LAMB4: variants seen among roughly 807,000 people sequenced by gnomAD.
LAMB4 encodes laminin subunit beta-4.
Under a neutral mutation model 199.2 loss-of-function variants are expected in LAMB4, and 196 were observed. The ratio of observed to expected loss-of-function variants is 0.98; its 90% confidence interval spans 0.88 to 1.11. The LOEUF (loss-of-function observed/expected upper bound fraction) is 1.11, where lower values mean the gene tolerates loss of function less well. Among genes scored for constraint, LAMB4 ranks in the 50% least tolerant of loss-of-function variants. LAMB4 has a pLI of 0.00. For synonymous variants in LAMB4, 744 were observed against 770.6 expected (o/e 0.97, Z 0.57); for missense variants, 2,080 against 2,171.2 (o/e 0.96, Z 0.83).
chr7:108,065,793 A>G lies in LAMB4; in HGVS notation c.2805T>C (p.Asp935=). The G allele has an allele frequency of 6.2e-7, 1 of 1,614,140 alleles. No homozygotes were observed. Among genetic ancestry groups the G allele is most frequent in the Non-Finnish European group, 8.5e-7 (1 of 1,179,994 alleles). ...AACCTTGAAGACAATTGCAGATTACATCTGAGCTCCACAGATTCTGATAAC... is the reference window on the plus strand; with the variant it reads ...AACCTTGAAGACAATTGCAGATTACGTCTGAGCTCCACAGATTCTGATAAC... The part of the protein sequence containing the change: ...HSCYQNLWSS[D]VICNCLQGYT... The change falls in exon 21 of 34, where the codon GAT becomes GAC. Residue 935 remains aspartate (D), a synonymous_variant. Coordinates refer to ENST00000388781, the MANE Select transcript of LAMB4 (RefSeq NM_007356.3).
chr7:108,021,865 T>C (rs2150472459), downstream of LAMB4, among the ~76,000 whole-genome samples: 1 of 152,318 alleles, frequency 6.6e-6, no homozygotes, highest in South Asian at 2.1e-4. Context: ...CAAAGATAAG[T>C]AGAGGAAAAA....
chr7:108,045,756 G>C (rs1317223597), intron 28 of LAMB4, among the ~76,000 whole-genome samples: 3 of 152,202 alleles, frequency 2.0e-5, no homozygotes, highest in Non-Finnish European at 4.4e-5. Flanking sequence ...ACTTGTAGAT[G>C]GATGCCTGGC....
At chr7:108,015,822 T>C in the LAMB4 span, among the ~76,000 whole-genome samples, 15 of 151,630 alleles carry the variant, frequency 9.9e-5, no homozygotes, top group Admixed American at 9.2e-4. Context: ...GCTACAACTG[T>C]ATATTTGCTT....
At chr7:108,029,989 G>A (rs1171895369) in intron 32 of LAMB4, among the ~76,000 whole-genome samples, 1 of 151,944 alleles carries the variant, frequency 6.6e-6, no homozygotes, top group Non-Finnish European at 1.5e-5. Flanking sequence ...GTGGTGGCAC[G>A]TGGCTGTAAT....
chr7:108,020,171 T>A (rs1315509214), downstream of LAMB4, among the ~76,000 whole-genome samples: 1 of 152,038 alleles, frequency 6.6e-6, no homozygotes, highest in East Asian at 1.9e-4. Context: ...TGGGGAGATG[T>A]CATTTTCAGT....
chr7:108,110,438 CTG>C (rs1308479978), intron 4 of LAMB4, among the ~76,000 whole-genome samples: 1 of 152,220 alleles, frequency 6.6e-6, no homozygotes, highest in African/African-American at 2.4e-5. Flanking sequence ...CACATTTCAA[CTG>C]CTCACACGGG....
At chr7:108,021,798 G>T (rs2034699831), downstream of LAMB4, among the ~76,000 whole-genome samples, 1 of 152,048 alleles carries the variant, frequency 6.6e-6, no homozygotes, top group South Asian at 2.1e-4. Context: ...ACATTTAATA[G>T]AAATTTATAA....
chr7:108,063,002 G>T lies in LAMB4; in HGVS notation c.3062-8C>A. The T allele has an allele frequency of 2.0e-6, 3 of 1,536,178 alleles. No individual in the cohort carries two copies. The highest frequency in any genetic ancestry group is 2.1e-5 in the Admixed American group (1 of 47,644). ...AAGCATGGCAGGAGCATCCTGTGAT[G>T]ACAAAACCATCATCAGAGGTAAATT... On this transcript the variant is annotated splice_polypyrimidine_tract_variant and splice_region_variant and intron_variant, in intron 22 of 33. Transcript: ENST00000388781.
chr7:108,092,529 G>T, intron 12 of LAMB4, 113 bp from the exon 13 acceptor site: 2 of 784,072 alleles, frequency 2.6e-6, no homozygotes, highest in Non-Finnish European at 2.2e-6. Flanking sequence ...CAAACAGCCT[G>T]CACCATCTCA....
the LAMB4 span, among the ~76,000 whole-genome samples, chr7:108,016,019 A>G: frequency 6.6e-6 from 1 of 152,176 alleles, no homozygotes; most frequent in African/African-American, 2.4e-5. Flanking sequence ...ATTTATGTAA[A>G]GAAATCAGTT....
intron 26 of LAMB4, among the ~76,000 whole-genome samples, chr7:108,051,260 C>T (rs1053269342): frequency 9.2e-5 from 14 of 152,142 alleles, no homozygotes; most frequent in Admixed American, 8.5e-4. Flanking sequence ...ATTTAGGCAT[C>T]CCTTTAGGGA....
At chr7:108,037,675 C>T (rs916234560) in intron 29 of LAMB4, 80 bp from the exon 30 acceptor site, 22 of 1,074,250 alleles carry the variant, frequency 2.0e-5, no homozygotes, top group Non-Finnish European at 3.1e-5. Flanking sequence ...ACAATGATGT[C>T]TCAGCCAAAT....
At chr7:108,027,141 A>C (rs1247108374) in intron 33 of LAMB4, among the ~76,000 whole-genome samples, 2 of 152,186 alleles carry the variant, frequency 1.3e-5, no homozygotes, top group East Asian at 3.8e-4. Context: ...AAGTTCTAGG[A>C]TAATAGAAAC....
the LAMB4 span, among the ~76,000 whole-genome samples, chr7:108,018,278 C>A: frequency 6.6e-6 from 1 of 152,200 alleles, no homozygotes; most frequent in Admixed American, 6.5e-5. Context: ...CCTGTGGAGG[C>A]TGATCTACAT....
chr7:108,076,786 C>A (rs2036718241), intron 17 of LAMB4, among the ~76,000 whole-genome samples, 158 bp downstream of exon 17: 1 of 152,184 alleles, frequency 6.6e-6, no homozygotes, highest in South Asian at 2.1e-4. Context: ...ATTACTGGGA[C>A]ATACTGTTAA....
intron 15 of LAMB4, 142 bp from the exon 16 acceptor site, chr7:108,078,458 G>C: frequency 3.3e-6 from 2 of 599,276 alleles, no homozygotes; most frequent in South Asian, 2.1e-5. Context: ...GGAGTTGAAA[G>C]AGTCTTAGAG....
chr7:108,037,558 C>T lies in LAMB4; in HGVS notation c.4509G>A (p.Ala1503=), dbSNP rs779170069. ...NVPPEDIEKV[A]NGVLDIHLPI... ...GTAGGTGAATGTCAAGCACACCATTCGCAACCTTCTCGATGTCTTCTGGAG... is the reference window on the plus strand; with the variant it reads ...GTAGGTGAATGTCAAGCACACCATTTGCAACCTTCTCGATGTCTTCTGGAG... Residue 1503 remains alanine, a synonymous_variant, in exon 30 of 34, where the codon GCG becomes GCA. Coordinates refer to ENST00000388781, the MANE Select transcript of LAMB4 (RefSeq NM_007356.3). 17 of 1,614,134 alleles carry T rather than the reference C, an allele frequency of 1.1e-5. No individual in the cohort carries two copies. Among genetic ancestry groups the T allele is most frequent in the East Asian group, 6.7e-5 (3 of 44,886 alleles).
At chr7:108,127,650 C>G (rs2038841287) in intron 1 of LAMB4, among the ~76,000 whole-genome samples, 1 of 152,132 alleles carries the variant, frequency 6.6e-6, no homozygotes, top group South Asian at 2.1e-4. Flanking sequence ...AGGGCCCAGC[C>G]AGGGACCTAC....
chr7:108,064,699 G>A (rs897424046), intron 21 of LAMB4, among the ~76,000 whole-genome samples: 18 of 152,146 alleles, frequency 1.2e-4, no homozygotes, highest in African/African-American at 4.3e-4. Flanking sequence ...GAAAGAGGCT[G>A]CAAGGGAAGA....
Sources: allele counts gnomAD v4.1 joint callset (sites outside exome capture counted in the v4.1 genomes callset), GRCh38; gene constraint gnomAD v4.1.1; transcripts MANE v1.5; gene names NCBI Gene and HGNC (gene_info 2026-07-23, HGNC 2026-07-21).